RALYL: variants seen among roughly 807,000 people sequenced by gnomAD.
RALYL encodes the protein RNA-binding Raly-like protein.
Under a neutral mutation model 35.1 loss-of-function variants are expected in RALYL, and 29 were observed. That is an observed-to-expected ratio of 0.83 (90% CI 0.61 to 1.13). RALYL has a LOEUF of 1.13. RALYL is among the 50% of genes most tolerant of loss of function. The pLI is 0.00. For synonymous variants in RALYL, 120 were observed against 127.6 expected, an observed-to-expected ratio of 0.94 and a Z score of 0.40; for missense variants, 359 against 360.4, an observed-to-expected ratio of 1.00 and a Z score of 0.03.
At chr8:84,826,040 A>T (rs1178515758) in intron 4 of RALYL, among the ~76,000 whole-genome samples, 2 of 152,098 alleles carry the variant, frequency 1.3e-5, no homozygotes, top group African/African-American at 4.8e-5. Context: ...TCCAAAGTGA[A>T]TTAATGCAGG....
In RALYL at chr8:84,327,984, T is replaced by A. The variant is rs541953941; in HGVS notation, c.-24+143560T>A. Among the ~76,000 whole-genome samples the A allele has an allele frequency of 1.1e-3, 171 of 152,320 alleles. 5 individuals carry two copies. In the South Asian group the frequency reaches 0.032, roughly 28 times the overall value. ...TTTGCCAAAAAGGTATTAAAGAATT[T>A]GCTTAAGGAGGGAAAGGAGGACCAC... On this transcript the variant is annotated intron_variant, in intron 1 of 8. Transcript: ENST00000521268.
chr8:84,699,549 G>T (rs981809367), intron 2 of RALYL, among the ~76,000 whole-genome samples: 6 of 152,068 alleles, frequency 3.9e-5, no homozygotes, highest in African/African-American at 1.4e-4. Flanking sequence ...AGAGGCAAGG[G>T]ATCTCTCTGG....
chr8:84,695,252 G>A (rs773474045), intron 2 of RALYL, among the ~76,000 whole-genome samples: 3 of 151,548 alleles, frequency 2.0e-5, no homozygotes, highest in Non-Finnish European at 4.4e-5. Context: ...CATGTCATGG[G>A]CACCAACTCA....
chr8:84,255,200 T>C (rs1245565262), intron 1 of RALYL, among the ~76,000 whole-genome samples: 2 of 152,154 alleles, frequency 1.3e-5, no homozygotes, highest in African/African-American at 4.8e-5. Context: ...TAAGCTACTA[T>C]GCTAGAATGT....
intron 2 of RALYL, among the ~76,000 whole-genome samples, chr8:84,643,106 C>A (rs187347381): frequency 6.6e-6 from 1 of 152,062 alleles, no homozygotes. Context: ...CTCACACATA[C>A]AAACAAGTGG....
chr8:84,283,116 G>A (rs923051125), intron 1 of RALYL, among the ~76,000 whole-genome samples: 2 of 152,080 alleles, frequency 1.3e-5, no homozygotes, highest in African/African-American at 4.8e-5. Context: ...GTACCATAAA[G>A]AATAACATAA....
chr8:84,502,500 G>A (rs950679963), intron 1 of RALYL, among the ~76,000 whole-genome samples: 29 of 151,928 alleles, frequency 1.9e-4, no homozygotes, highest in African/African-American at 5.5e-4. Context: ...AACTCTAAAT[G>A]TCCAATAATA....
chr8:84,733,820 T>C (rs1199888512), intron 2 of RALYL, among the ~76,000 whole-genome samples: 1 of 152,184 alleles, frequency 6.6e-6, no homozygotes, highest in Non-Finnish European at 1.5e-5. Context: ...TGCTACTGCA[T>C]GAAATACCTG....
chr8:84,613,860 T>TTATATATA (rs34184283), intron 2 of RALYL, among the ~76,000 whole-genome samples: 11 of 142,128 alleles, frequency 7.7e-5, no homozygotes, highest in African/African-American at 2.6e-4. Context: ...TTCTTCAGAT[T>TTATATATA]TATATATATA....
At chr8:84,470,874 A>G (rs1232134811) in intron 1 of RALYL, among the ~76,000 whole-genome samples, 1 of 152,232 alleles carries the variant, frequency 6.6e-6, no homozygotes. Context: ...GCTTGTTAGT[A>G]TATAAAGCTT....
At chr8:84,582,912 C>T (rs1811155604) in intron 2 of RALYL, among the ~76,000 whole-genome samples, 1 of 151,926 alleles carries the variant, frequency 6.6e-6, no homozygotes, top group African/African-American at 2.4e-5. Flanking sequence ...CTTTTATAAA[C>T]TAAAAGTTAG....
chr8:84,379,240 G>A (rs1412708746), intron 1 of RALYL, among the ~76,000 whole-genome samples: 2 of 151,888 alleles, frequency 1.3e-5, no homozygotes, highest in Admixed American at 1.3e-4. Context: ...CAATGGATTG[G>A]TTCATCTTAA....
At chr8:84,360,756 T>A (rs1367135332) in intron 1 of RALYL, among the ~76,000 whole-genome samples, 1 of 152,162 alleles carries the variant, frequency 6.6e-6, no homozygotes, top group Non-Finnish European at 1.5e-5. Flanking sequence ...GTATGTGATA[T>A]GCCTGCAGGC....
chr8:84,490,787 G>C (rs1294953771), intron 1 of RALYL, among the ~76,000 whole-genome samples: 3 of 151,462 alleles, frequency 2.0e-5, no homozygotes, highest in Admixed American at 6.6e-5. Flanking sequence ...TAAGTTCTAG[G>C]ATGGTAACTG....
intron 2 of RALYL, among the ~76,000 whole-genome samples, chr8:84,699,767 T>C (rs541137857): frequency 2.0e-4 from 30 of 152,294 alleles, no homozygotes; most frequent in African/African-American, 5.5e-4. Flanking sequence ...AGGTAGTTTG[T>C]TGCAGATGAT....
chr8:84,374,768 G>A (rs73298720), intron 1 of RALYL, among the ~76,000 whole-genome samples: 4,475 of 151,858 alleles, frequency 0.029, 210 homozygotes, highest in African/African-American at 0.1. Flanking sequence ...ACTAAGCTTA[G>A]TATCTGAGGG....
At chr8:84,189,484 T>A (rs1442774308) in intron 1 of RALYL, among the ~76,000 whole-genome samples, 5 of 152,146 alleles carry the variant, frequency 3.3e-5, no homozygotes. Context: ...AACGGCTATT[T>A]TTTCATTAAA....
intron 2 of RALYL, among the ~76,000 whole-genome samples, chr8:84,607,466 G>C (rs533592372): frequency 1.3e-5 from 2 of 152,208 alleles, no homozygotes; most frequent in South Asian, 4.1e-4. Flanking sequence ...TCAAAATGAA[G>C]GAACCTTTGC....
chr8:84,557,491 A>G (rs2061208173), intron 2 of RALYL, among the ~76,000 whole-genome samples: 1 of 152,208 alleles, frequency 6.6e-6, no homozygotes, highest in African/African-American at 2.4e-5. Context: ...ATCATTGATT[A>G]CTTTATATCG....
Sources: gnomAD v4.1 joint callset for allele counts (sites outside exome capture counted in the v4.1 genomes callset) on GRCh38, gnomAD v4.1.1 for gene constraint, MANE v1.5 for transcripts, NCBI Gene and HGNC (gene_info 2026-07-23, HGNC 2026-07-21) for gene names.